The following CPLANE1 variants were observed in gnomAD, a reference collection of about 807,000 sequenced individuals.
The protein encoded by CPLANE1 is ciliogenesis and planar polarity effector complex subunit 1.
In CPLANE1, 263 loss-of-function variants were observed where a neutral mutation model predicts 362.5. That is an observed-to-expected ratio of 0.73 (90% confidence interval 0.66 to 0.80). The LOEUF (loss-of-function observed/expected upper bound fraction) is 0.80. Among genes scored for constraint, CPLANE1 ranks in the 30% least tolerant of loss-of-function variants. CPLANE1 has a pLI of 0.00. For synonymous variants in CPLANE1, 1,212 were observed against 1,302.6 expected (o/e 0.93, Z 1.50); for missense variants, 3,461 against 3,793.4 (o/e 0.91, Z 2.30).
chr5:37,154,026 T>A (rs748078685), intron 41 of CPLANE1, 33 bp from the exon 42 acceptor site: 1 of 1,549,586 alleles, frequency 6.5e-7, no homozygotes, highest in South Asian at 1.2e-5. Context: ...GCAGAATTGA[T>A]TATAATTAAA....
At chr5:37,206,464 A>G (rs1413410228) in intron 16 of CPLANE1, 39 bp from the exon 17 acceptor site, 2 of 1,264,356 alleles carry the variant, frequency 1.6e-6, no homozygotes, top group African/African-American at 3.0e-5. Flanking sequence ...TTACAATCAC[A>G]TCCAAACTCA....
chr5:37,189,436 G>C (rs537441778), intron 21 of CPLANE1, among the ~76,000 whole-genome samples: 79 of 152,174 alleles, frequency 5.2e-4, no homozygotes, highest in Non-Finnish European at 1.0e-3. Flanking sequence ...ATTCTGCCGG[G>C]GGAGCACGGC....
chr5:37,117,214 T>C (rs1370195128), intron 50 of CPLANE1, among the ~76,000 whole-genome samples: 3 of 151,940 alleles, frequency 2.0e-5, no homozygotes, highest in Non-Finnish European at 4.4e-5. Flanking sequence ...TTTCCATTTA[T>C]CCATTTGTTC....
intron 21 of CPLANE1, among the ~76,000 whole-genome samples, chr5:37,189,459 G>C (rs978268075): frequency 6.6e-6 from 1 of 152,138 alleles, no homozygotes; most frequent in African/African-American, 2.4e-5. Flanking sequence ...AATCTTTTGA[G>C]AAAGGCATCA....
intron 14 of CPLANE1, 72 bp from the exon 15 acceptor site, chr5:37,221,560 C>A (rs554781436): frequency 2.9e-6 from 3 of 1,038,018 alleles, no homozygotes; most frequent in South Asian, 2.6e-5. Context: ...GCTCAATTGA[C>A]GGGAGTGTGT....
downstream of CPLANE1, among the ~76,000 whole-genome samples, chr5:37,106,019 T>C (rs552843911): frequency 2.0e-5 from 3 of 152,124 alleles, no homozygotes; most frequent in African/African-American, 7.2e-5. Flanking sequence ...ATTGCTGGAA[T>C]AGTCATTTCC....
At chr5:37,186,178 A>G in intron 24 of CPLANE1, 108 bp downstream of exon 24, 2 of 601,964 alleles carry the variant, frequency 3.3e-6, no homozygotes, top group Admixed American at 5.4e-5. Flanking sequence ...CTCAAGGAAG[A>G]GGCAAAAATG....
At chr5:37,101,502 C>A (rs755491608), downstream of CPLANE1, among the ~76,000 whole-genome samples, 3 of 152,062 alleles carry the variant, frequency 2.0e-5, no homozygotes, top group Non-Finnish European at 4.4e-5. Flanking sequence ...TTTGGTTTGC[C>A]AGTATTAATG....
rs1017102371 is a variant in CPLANE1 at position 37,210,806 on chromosome 5, C to G, written c.2920+2753G>C. ...CTCAGCTGGCTCCTGAACTTGCGGT[C>G]TTTCAGAAAGAACTAAGGAGAGCAG... On this transcript the variant is annotated intron_variant, in intron 16 of 52. Coordinates refer to ENST00000651892, the MANE Select transcript of CPLANE1 (RefSeq NM_001384732.1). The G allele has an allele frequency of 6.4e-6, 7 of 1,098,826 alleles. No homozygotes were observed. The African/African-American group carries it at 9.3e-5, about 15-fold the overall frequency. 68.1% of individuals were successfully genotyped at this position (1,098,826 alleles called of 1,614,324 possible).
chr5:37,232,147 T>G (rs1173827880), intron 8 of CPLANE1, among the ~76,000 whole-genome samples: 1 of 152,146 alleles, frequency 6.6e-6, no homozygotes, highest in African/African-American at 2.4e-5. Flanking sequence ...TGGTGGTAGC[T>G]CATATGCCAT....
downstream of CPLANE1, among the ~76,000 whole-genome samples, chr5:37,104,754 AAC>A (rs1554041246): frequency 2.6e-5 from 4 of 151,184 alleles, no homozygotes; most frequent in Non-Finnish European, 2.9e-5. Flanking sequence ...TAAAAAAAAA[AAC>A]ACACACACAC....
intron 50 of CPLANE1, among the ~76,000 whole-genome samples, chr5:37,119,633 G>T (rs1762052285): frequency 6.6e-6 from 1 of 150,540 alleles, no homozygotes; most frequent in Non-Finnish European, 1.5e-5. Flanking sequence ...TCACACCATT[G>T]GCACTCCAGC....
At chr5:37,122,536 T>A in intron 47 of CPLANE1, 48 bp from the exon 48 acceptor site, 1 of 1,404,182 alleles carries the variant, frequency 7.1e-7, no homozygotes, top group Non-Finnish European at 1.0e-6. Context: ...ATCCAAATAA[T>A]TAAACCATTA....
intron 6 of CPLANE1, among the ~76,000 whole-genome samples, chr5:37,241,202 C>G (rs1397739262): frequency 6.6e-6 from 1 of 151,286 alleles, no homozygotes; most frequent in Non-Finnish European, 1.5e-5. Context: ...GCCTGTAATC[C>G]CAGCACTTTG....
At chr5:37,239,570 G>C in intron 7 of CPLANE1, 143 bp downstream of exon 7, 1 of 511,280 alleles carries the variant, frequency 2.0e-6, no homozygotes, top group Non-Finnish European at 2.9e-6. Flanking sequence ...GCAACAGAGA[G>C]AGACCCTGTC....
the CPLANE1 span, among the ~76,000 whole-genome samples, chr5:37,076,723 A>AATT: frequency 6.6e-6 from 1 of 151,674 alleles, no homozygotes; most frequent in Non-Finnish European, 1.5e-5. Context: ...TGAGCATACC[A>AATT]ATTAGTTTTA....
the CPLANE1 span, among the ~76,000 whole-genome samples, chr5:37,097,343 G>A: frequency 3.9e-5 from 6 of 151,990 alleles, no homozygotes; most frequent in Non-Finnish European, 8.8e-5. Context: ...AAAAAACCAT[G>A]AAAAAGAACG....
At chr5:37,239,603 AGAAAG>A in intron 7 of CPLANE1, 105 bp downstream of exon 7, 3 of 703,500 alleles carry the variant, frequency 4.3e-6, no homozygotes, top group Non-Finnish European at 4.0e-6. Flanking sequence ...AAAAAAAACC[AGAAAG>A]AAAAAAAAAA....
chr5:37,076,459 A>G, the CPLANE1 span, among the ~76,000 whole-genome samples: 1 of 152,018 alleles, frequency 6.6e-6, no homozygotes, highest in South Asian at 2.1e-4. Context: ...TTACAGGCAC[A>G]TGCCACTACG....
Sources: gnomAD v4.1 joint callset for allele counts (sites outside exome capture counted in the v4.1 genomes callset) on GRCh38, gnomAD v4.1.1 for gene constraint, MANE v1.5 for transcripts, NCBI Gene and HGNC (gene_info 2026-07-23, HGNC 2026-07-21) for gene names.